The following SUMF1 variants were observed in gnomAD, a reference collection of about 807,000 sequenced individuals.
SUMF1 encodes the protein formylglycine-generating enzyme.
SUMF1 carries 48 observed loss-of-function variants against 47.6 expected under a neutral mutation model. That is an observed-to-expected ratio of 1.01 (90% CI 0.80 to 1.28). SUMF1 has a LOEUF of 1.28. Among genes scored for constraint, SUMF1 ranks in the 50% most tolerant of loss-of-function variants. The pLI is 0.00. For missense variants in SUMF1, 571 were observed against 485.4 expected, an observed-to-expected ratio of 1.18 and a Z score of -1.66; for synonymous variants, 230 against 192.1, an observed-to-expected ratio of 1.20 and a Z score of -1.63.
intron 8 of SUMF1, among the ~76,000 whole-genome samples, chr3:4,135,527 A>G (rs892293119): frequency 6.6e-6 from 1 of 152,124 alleles, no homozygotes; most frequent in Non-Finnish European, 1.5e-5. Context: ...ATACTGAATG[A>G]GCAAAAACTG....
chr3:4,082,760 A>G (rs1385221625), intron 8 of SUMF1, among the ~76,000 whole-genome samples: 1 of 152,196 alleles, frequency 6.6e-6, no homozygotes, highest in African/African-American at 2.4e-5. Flanking sequence ...GAGAGATTAC[A>G]TCCTGTTTGG....
At chr3:4,109,542 C>T (rs1471048916) in intron 8 of SUMF1, among the ~76,000 whole-genome samples, 9 of 152,112 alleles carry the variant, frequency 5.9e-5, no homozygotes, top group Admixed American at 5.9e-4. Flanking sequence ...TTCCATTCTT[C>T]CCATCATTTT....
chr3:4,144,102 A>G (rs1694139371), intron 8 of SUMF1, among the ~76,000 whole-genome samples: 1 of 149,898 alleles, frequency 6.7e-6, no homozygotes, highest in Non-Finnish European at 1.5e-5. Context: ...GCAATCTAGG[A>G]CCACAAGTAG....
chr3:4,153,255 C>T (rs1271789774), intron 8 of SUMF1, among the ~76,000 whole-genome samples: 1 of 151,438 alleles, frequency 6.6e-6, no homozygotes, highest in Non-Finnish European at 1.5e-5. Context: ...CTCTGTTGCC[C>T]AGGCTGGAAT....
At chr3:4,172,120 G>C (rs1694844894) in intron 8 of SUMF1, among the ~76,000 whole-genome samples, 1 of 152,060 alleles carries the variant, frequency 6.6e-6, no homozygotes, top group Non-Finnish European at 1.5e-5. Context: ...GTAGGGGGAT[G>C]GAACGAAAAA....
In SUMF1 at chr3:4,452,900, C is replaced by G. The variant is rs779536828; in HGVS notation, c.420G>C (p.Val140=). ...EVSNTEFEKF[V]NSTGYLTEAE... is the part of the protein sequence containing the mutation. ...CCTCTGTCAAATAGCCAGTTGAGTT[C>G]ACAAACTTCTCAAATTCAGTATTAC... The change falls in exon 2 of 9, where the codon GTG becomes GTC. Residue 140 remains valine, a synonymous_variant. Transcript: ENST00000272902. The G allele has an allele frequency of 2.5e-6, 4 of 1,614,194 alleles. No individual in the cohort carries two copies. The Admixed American group carries it at 6.7e-5, about 27-fold the overall frequency.
At chr3:4,333,226 T>C (rs921138513) in intron 8 of SUMF1, among the ~76,000 whole-genome samples, 1 of 152,216 alleles carries the variant, frequency 6.6e-6, no homozygotes, top group Non-Finnish European at 1.5e-5. Flanking sequence ...GGTTAACATT[T>C]AAGCCATCCA....
rs77914822 is a variant in SUMF1 at position 4,289,419 on chromosome 3, G to T, written c.1014+86911C>A. On this transcript the variant is annotated intron_variant and NMD_transcript_variant, in intron 8 of 12. Coordinates refer to the SUMF1 transcript ENST00000448413. ...CTCCAAAGAGCAAGGAACCGCACTG[G>T]GCCAGTGTGGTGTAAATCGGTCACA... Among the ~76,000 whole-genome samples, 417 of 152,252 alleles carry T rather than the reference G, an allele frequency of 2.7e-3. 2 individuals are homozygous for T. The highest frequency in any genetic ancestry group is 5.0e-3 in the Non-Finnish European group (341 of 68,010).
intron 8 of SUMF1, among the ~76,000 whole-genome samples, chr3:4,201,434 T>A (rs1326532386): frequency 6.6e-6 from 1 of 152,120 alleles, no homozygotes; most frequent in East Asian, 1.9e-4. Flanking sequence ...CTTGACATTA[T>A]GTCCTCCACT....
chr3:4,358,949 T>C (rs943635802), downstream of SUMF1, among the ~76,000 whole-genome samples: 1 of 150,882 alleles, frequency 6.6e-6, no homozygotes, highest in Non-Finnish European at 1.5e-5. Context: ...GAGATTGAAT[T>C]AGGCTACTGG....
intron 8 of SUMF1, among the ~76,000 whole-genome samples, chr3:4,349,989 T>A (rs1024294915): frequency 1.3e-5 from 2 of 151,578 alleles, no homozygotes; most frequent in Non-Finnish European, 2.9e-5. Flanking sequence ...TTGTATATAT[T>A]ACGTATTATT....
intron 8 of SUMF1, among the ~76,000 whole-genome samples, chr3:4,101,722 T>C (rs929368533): frequency 5.3e-5 from 8 of 152,212 alleles, no homozygotes; most frequent in African/African-American, 1.7e-4. Flanking sequence ...CATAGAGCTA[T>C]AGTTCTAGAG....
intron 8 of SUMF1, among the ~76,000 whole-genome samples, chr3:4,336,894 T>C (rs183555168): frequency 2.0e-5 from 3 of 152,238 alleles, no homozygotes; most frequent in Non-Finnish European, 2.9e-5. Flanking sequence ...ATCTCTACCA[T>C]GTACCACTTT....
chr3:4,056,529 CA>C (rs1368419402), intron 9 of SUMF1, among the ~76,000 whole-genome samples: 2 of 151,940 alleles, frequency 1.3e-5, no homozygotes, highest in Non-Finnish European at 2.9e-5. Flanking sequence ...AAAAAATAGC[CA>C]GATGTGGTAG....
In SUMF1 at chr3:4,467,058, C is replaced by T. The variant is rs2819590; in HGVS notation, c.188G>A (p.Ser63Asn). 416,929 of 1,565,330 alleles carry T rather than the reference C, an allele frequency of 0.27. 60,974 individuals carry two copies. Among genetic ancestry groups the T allele is most frequent in the Non-Finnish European group, 0.31 (353,356 of 1,155,742 alleles). The change falls in exon 1 of 9, where the codon AGT (serine) becomes AAT (asparagine). Residue 63 changes from serine to asparagine, a missense_variant. Coordinates refer to ENST00000272902, the MANE Select transcript of SUMF1 (RefSeq NM_182760.4). ...CGAGTATCGGTGAGCGGCTGCCGAA[C>T]TGCCATGGGCGCCAGGCCGCTGGGG... Reference protein sequence around the residue: ...GTPQRPGAHGSSAAAHRYSRE... With the variant: ...GTPQRPGAHGNSAAAHRYSRE...
chr3:4,410,731 G>T lies in SUMF1; in HGVS notation c.954+134C>A, dbSNP rs1701512411. 1.0e-5 allele frequency: 8 copies of T among 799,780 alleles called. No individual in the cohort carries two copies. The Middle Eastern group carries it at 1.0e-3, about 104-fold the overall frequency. 49.5% of individuals were successfully genotyped at this position (799,780 alleles called of 1,614,324 possible). A position where few individuals can be genotyped will look rare whatever the true frequency, so the allele number is the denominator to read the frequency against. On this transcript the variant is annotated intron_variant, in intron 7 of 8. Transcript: ENST00000272902. ...GAAATAAGAAACATGCGCTTAATGT[G>T]CCTTTAGGGAAATCCCAAGATTAAT...
At chr3:4,449,858 G>C (rs183056977) in intron 2 of SUMF1, among the ~76,000 whole-genome samples, 1 of 152,170 alleles carries the variant, frequency 6.6e-6, no homozygotes, top group Non-Finnish European at 1.5e-5. Context: ...TAACATTAGT[G>C]TCTCAATTCT....
At chr3:4,172,693 G>GT (rs11292890) in intron 8 of SUMF1, among the ~76,000 whole-genome samples, 16 of 151,734 alleles carry the variant, frequency 1.1e-4, no homozygotes, top group South Asian at 6.3e-4. Context: ...TGATGGGGTT[G>GT]TTTTTTTTGT....
intron 6 of SUMF1, among the ~76,000 whole-genome samples, chr3:4,414,054 G>C (rs1045366296): frequency 3.9e-5 from 6 of 152,192 alleles, no homozygotes; most frequent in South Asian, 4.1e-4. Flanking sequence ...TAGTAGAGAC[G>C]GGGTTTCACT....
Sources: allele counts gnomAD v4.1 joint callset (sites outside exome capture counted in the v4.1 genomes callset), GRCh38; gene constraint gnomAD v4.1.1; transcripts MANE v1.5; gene names NCBI Gene and HGNC (gene_info 2026-07-23, HGNC 2026-07-21).